The following ARHGAP32 variants were observed in gnomAD, a reference collection of about 807,000 sequenced individuals.
ARHGAP32 encodes Rho GTPase activating protein 32.
In ARHGAP32, 51 loss-of-function variants were observed where a neutral mutation model predicts 186.5. The ratio of observed to expected loss-of-function variants is 0.27; its 90% CI spans 0.22 to 0.35. The LOEUF (loss-of-function observed/expected upper bound fraction) is 0.35. ARHGAP32 is among the 10% of genes least tolerant of loss of function. The pLI is 1.00. For missense variants in ARHGAP32, 2,186 were observed against 2,623.5 expected, an observed-to-expected ratio of 0.83 and a Z score of 3.64; for synonymous variants, 950 against 964.3, an observed-to-expected ratio of 0.99 and a Z score of 0.27.
At chr11:128,993,255 A>C (rs1189583344) in intron 12 of ARHGAP32, 1 of 152,214 alleles carries the variant, frequency 6.6e-6, no homozygotes, top group Non-Finnish European at 1.5e-5. Context: ...GGAATGCTTC[A>C]CGAATTTGTG....
intron 1 of ARHGAP32, among the ~76,000 whole-genome samples, chr11:129,234,110 T>G (rs1944894510): frequency 6.6e-6 from 1 of 152,090 alleles, no homozygotes; most frequent in Non-Finnish European, 1.5e-5. Context: ...TATCTCAAAA[T>G]TTTTTTAAAA....
intron 1 of ARHGAP32, among the ~76,000 whole-genome samples, chr11:129,257,651 T>C (rs533219254): frequency 1.2e-4 from 18 of 151,218 alleles, no homozygotes; most frequent in South Asian, 1.0e-3. Context: ...ACAGAAAACA[T>C]TGAATAAGTT....
intron 1 of ARHGAP32, among the ~76,000 whole-genome samples, chr11:129,249,293 T>C (rs954269144): frequency 6.6e-6 from 1 of 152,158 alleles, no homozygotes; most frequent in Non-Finnish European, 1.5e-5. Context: ...ACATACAGTA[T>C]GTATTAAAAA....
chr11:129,135,033 T>C (rs1565439210), intron 2 of ARHGAP32, among the ~76,000 whole-genome samples: 2 of 152,154 alleles, frequency 1.3e-5, no homozygotes, highest in African/African-American at 4.8e-5. Flanking sequence ...ACTACAAACA[T>C]TGTTCAAAAA....
In ARHGAP32 at chr11:129,238,261, T is replaced by TTCTAACTCTTATACCC. The variant is rs540969324; in HGVS notation, c.-5+40869_-5+40884dup. 7.2e-4 allele frequency among the ~76,000 whole-genome samples: 109 copies of TTCTAACTCTTATACCC among 152,306 alleles called. 2 individuals carry two copies. In the East Asian group the frequency reaches 0.014, roughly 19 times the overall value. On this transcript the variant is annotated intron_variant, in intron 1 of 6. Transcript: ENST00000525234. Reference sequence around the variant, plus strand: ...CACCTTCATATTAAAAGATTTTTCCTTCTAACTCTTATACCCTCCCAGGAA... The same window carrying TTCTAACTCTTATACCC: ...CACCTTCATATTAAAAGATTTTTCCTTCTAACTCTTATACCCTCTAACTCTTATACCCTCCCAGGAA...
chr11:129,045,971 C>T (rs1261923541), intron 10 of ARHGAP32, among the ~76,000 whole-genome samples: 1 of 152,190 alleles, frequency 6.6e-6, no homozygotes, highest in East Asian at 1.9e-4. Flanking sequence ...TCCCTGTTGA[C>T]TGTTTTCACT....
At chr11:129,029,688 G>A (rs1003307695) in intron 11 of ARHGAP32, among the ~76,000 whole-genome samples, 1 of 150,814 alleles carries the variant, frequency 6.6e-6, no homozygotes, top group Non-Finnish European at 1.5e-5. Context: ...TGTAGTCCCA[G>A]CTACTCGGGA....
chr11:129,076,750 G>C (rs1941055312), intron 6 of ARHGAP32, among the ~76,000 whole-genome samples: 1 of 152,146 alleles, frequency 6.6e-6, no homozygotes, highest in South Asian at 2.1e-4. Flanking sequence ...TGGTGGCTAG[G>C]AGGCAAGACT....
chr11:129,270,753 G>A (rs1276347640), intron 1 of ARHGAP32, among the ~76,000 whole-genome samples: 2 of 151,828 alleles, frequency 1.3e-5, no homozygotes, highest in Non-Finnish European at 2.9e-5. Flanking sequence ...GAACATCACT[G>A]AGACTGTGGC....
At chr11:129,278,914 G>C (rs1265900380) in intron 1 of ARHGAP32, among the ~76,000 whole-genome samples, 1 of 148,870 alleles carries the variant, frequency 6.7e-6, no homozygotes, top group Non-Finnish European at 1.5e-5. Context: ...CGCGGGGAGC[G>C]CGGGGCGCGG....
chr11:129,143,507 A>G (rs2135433610), intron 2 of ARHGAP32, among the ~76,000 whole-genome samples: 1 of 152,248 alleles, frequency 6.6e-6, no homozygotes, highest in South Asian at 2.1e-4. Context: ...CAGTGCATCT[A>G]CACTGTGGAC....
At chr11:129,207,834 A>G (rs1045614597) in intron 1 of ARHGAP32, among the ~76,000 whole-genome samples, 1 of 152,212 alleles carries the variant, frequency 6.6e-6, no homozygotes, top group East Asian at 1.9e-4. Context: ...TGGGCCAGAA[A>G]TAATCTGTTC....
intron 1 of ARHGAP32, among the ~76,000 whole-genome samples, chr11:129,253,969 A>G (rs1397984322): frequency 6.6e-6 from 1 of 152,164 alleles, no homozygotes; most frequent in East Asian, 1.9e-4. Context: ...TCTAACTGAA[A>G]TAGGATATAA....
intron 10 of ARHGAP32, among the ~76,000 whole-genome samples, chr11:129,047,450 T>G (rs78960950): frequency 0.018 from 2,716 of 152,056 alleles, 75 homozygotes; most frequent in African/African-American, 0.061. Context: ...CAATTCCAGG[T>G]TTTTTTTGTT....
chr11:129,219,664 A>AT (rs1420410202), intron 1 of ARHGAP32, among the ~76,000 whole-genome samples: 2 of 150,752 alleles, frequency 1.3e-5, no homozygotes, highest in African/African-American at 2.4e-5. Context: ...AACTTTTCTC[A>AT]TTTTTTATAA....
Position 129,093,651 on chromosome 11 carries a change from C to G in ARHGAP32, c.501G>C (p.Glu167Asp). 6.2e-7 allele frequency: 1 copy of G among 1,605,914 alleles called. No homozygotes were observed. Residue 167 changes from glutamate to aspartate, a missense_variant, in exon 6 of 23, where the codon GAG becomes GAC. By Grantham distance (45) the Glu-to-Asp change is conservative (BLOSUM62 2). Around this residue, in one of 5 missense-constraint regions of ARHGAP32, gnomAD observed 308 missense variants for 596.5 expected, o/e 0.52. Coordinates refer to ENST00000682385, the MANE Select transcript of ARHGAP32 (RefSeq NM_001378024.1). ...EVMKNGCESK[E>D]LVYLVQIACQ... The stretch of plus-strand genomic sequence containing the variant: ...AAGCAATCTGCACGAGGTAGACCAG[C>G]TCTTTAGATTCACAGCCATTTTTCA...
At chr11:128,983,697 A>G (rs776113255) in intron 15 of ARHGAP32, among the ~76,000 whole-genome samples, 7 of 151,990 alleles carry the variant, frequency 4.6e-5, no homozygotes, top group Non-Finnish European at 8.8e-5. Flanking sequence ...CCAAAAAAAA[A>G]AGAAAACCAT....
chr11:129,139,406 G>C (rs1943002869), intron 2 of ARHGAP32, among the ~76,000 whole-genome samples: 1 of 152,060 alleles, frequency 6.6e-6, no homozygotes, highest in South Asian at 2.1e-4. Context: ...CGATTTTATG[G>C]TATATTAGTG....
chr11:129,035,265 A>G (rs953588439), intron 11 of ARHGAP32, among the ~76,000 whole-genome samples: 1 of 150,096 alleles, frequency 6.7e-6, no homozygotes, highest in African/African-American at 2.4e-5. Flanking sequence ...TATGGTGATT[A>G]ATTTTCTGTA....
Sources: gnomAD v4.1 joint callset for allele counts (sites outside exome capture counted in the v4.1 genomes callset) on GRCh38, gnomAD v4.1.1 for gene constraint, gnomAD v4.1.1 regional missense constraint, MANE v1.5 for transcripts, NCBI Gene and HGNC (gene_info 2026-07-23, HGNC 2026-07-21) for gene names.